The following ADAM12 variants were observed in gnomAD, a reference collection of about 807,000 sequenced individuals.
ADAM12 encodes ADAM metallopeptidase domain 12.
A neutral mutation model predicts 106.4 loss-of-function variants in ADAM12; 70 were observed. That is an observed-to-expected ratio of 0.66 (90% CI 0.54 to 0.80). The LOEUF is 0.80. Ranked by LOEUF, ADAM12 falls within the 30% of genes least tolerant of loss-of-function variation. The pLI is 0.00. For synonymous variants in ADAM12, 420 were observed against 433.5 expected (o/e 0.97, Z 0.39); for missense variants, 1,010 against 1,171.9 (o/e 0.86, Z 2.02).
At chr10:126,245,708 G>C (rs533731704) in intron 3 of ADAM12, among the ~76,000 whole-genome samples, 1 of 152,328 alleles carries the variant, frequency 6.6e-6, no homozygotes, top group South Asian at 2.1e-4. Context: ...AAGTTATCAT[G>C]GGAGTCAGGG....
chr10:126,342,260 G>A (rs1322037769), intron 1 of ADAM12, among the ~76,000 whole-genome samples: 1 of 152,200 alleles, frequency 6.6e-6, no homozygotes, highest in African/African-American at 2.4e-5. Context: ...CTATCTAGAG[G>A]TAGGTGCTGA....
intron 3 of ADAM12, among the ~76,000 whole-genome samples, chr10:126,231,908 T>A (rs1328882554): frequency 6.6e-6 from 1 of 152,138 alleles, no homozygotes; most frequent in East Asian, 1.9e-4. Flanking sequence ...ATTCTTTTGA[T>A]CCCCAACTGT....
intron 4 of ADAM12, among the ~76,000 whole-genome samples, chr10:126,140,805 A>C (rs1249067040): frequency 6.6e-6 from 1 of 152,232 alleles, no homozygotes; most frequent in East Asian, 1.9e-4. Flanking sequence ...ACTCAGCAAG[A>C]CATGGTTGTC....
intron 1 of ADAM12, among the ~76,000 whole-genome samples, chr10:126,384,346 A>G (rs960876956): frequency 6.6e-6 from 1 of 152,186 alleles, no homozygotes; most frequent in Non-Finnish European, 1.5e-5. Context: ...AAAAAGTTGT[A>G]TCTTCCCAAC....
rs1802052 is a variant in ADAM12 at position 126,041,419 on chromosome 10, T to G, written c.2104+1621A>C. 1.0e-3 allele frequency: 1,003 copies of G among 985,730 alleles called. 4 individuals carry two copies. In the African/African-American group the frequency reaches 0.015, roughly 14 times the overall value. The allele number at this position is 985,730 out of a possible 1,614,324, so 61.1% of individuals were successfully genotyped here. ...TAGGCTCTTACATTGTTTTCACTTT[T>G]TAACATTCTTACTTGTTAAATGAAG... On this transcript the variant is annotated intron_variant, in intron 18 of 22. Coordinates refer to ENST00000448723, the MANE Select transcript of ADAM12 (RefSeq NM_001288973.2).
chr10:126,099,081 G>A (rs975021237), intron 9 of ADAM12, among the ~76,000 whole-genome samples: 1 of 152,176 alleles, frequency 6.6e-6, no homozygotes. Context: ...TCTGGAAGGG[G>A]ACTTCATGGC....
chr10:126,367,088 C>T (rs987919946), intron 1 of ADAM12, among the ~76,000 whole-genome samples: 2 of 152,010 alleles, frequency 1.3e-5, no homozygotes, highest in Admixed American at 1.3e-4. Flanking sequence ...ATTTACGGGA[C>T]ATTACCCTAT....
intron 4 of ADAM12, among the ~76,000 whole-genome samples, chr10:126,137,384 G>A (rs1257972752): frequency 2.6e-5 from 4 of 152,116 alleles, no homozygotes; most frequent in African/African-American, 9.7e-5. Flanking sequence ...TTAAAATTAA[G>A]ATTAAATTCA....
chr10:126,180,198 T>C (rs1193621987), intron 3 of ADAM12, among the ~76,000 whole-genome samples: 1 of 152,184 alleles, frequency 6.6e-6, no homozygotes, highest in African/African-American at 2.4e-5. Flanking sequence ...TACATGAAGA[T>C]GAACGCAGAT....
In ADAM12 at chr10:126,013,232, A is replaced by G. The variant is rs1953600162; in HGVS notation, c.*4047T>C. The G allele has an allele frequency of 1.3e-5, 2 of 152,256 alleles. No individual in the cohort carries two copies. 9.4% of individuals were successfully genotyped at this position (152,256 alleles called of 1,614,324 possible). A position where few individuals can be genotyped will look rare whatever the true frequency, so the allele number is the denominator to read the frequency against. Reference sequence around the variant, plus strand: ...TCTCTACAAAAGGAAAGAAAATGGCACATTCACATGTAGGTAAGTAGCTTC... The same window carrying G: ...TCTCTACAAAAGGAAAGAAAATGGCGCATTCACATGTAGGTAAGTAGCTTC... On this transcript the variant is annotated 3_prime_UTR_variant, in exon 23 of 23. Transcript: ENST00000448723. The surrounding 1 kb of genome is among the most constrained non-coding windows in gnomAD (Gnocchi z 4.3).
At chr10:126,341,849 C>T (rs976439168) in intron 1 of ADAM12, among the ~76,000 whole-genome samples, 3 of 152,154 alleles carry the variant, frequency 2.0e-5, no homozygotes, top group Non-Finnish European at 2.9e-5. Flanking sequence ...TTTATAGACT[C>T]GGTTAGTTTT....
intron 17 of ADAM12, 47 bp downstream of exon 17, chr10:126,046,008 T>C: frequency 6.5e-7 from 1 of 1,537,418 alleles, no homozygotes; most frequent in Non-Finnish European, 9.0e-7. Context: ...GTATTATTAC[T>C]TAACTTGTTA....
At chr10:126,102,755 A>G (rs1955691263) in intron 8 of ADAM12, among the ~76,000 whole-genome samples, 1 of 152,266 alleles carries the variant, frequency 6.6e-6, no homozygotes. Flanking sequence ...TTTGTTTTCA[A>G]TCAAGAATTG....
intron 18 of ADAM12, among the ~76,000 whole-genome samples, chr10:126,041,044 C>T (rs542033951): frequency 1.3e-5 from 2 of 152,244 alleles, no homozygotes; most frequent in South Asian, 2.1e-4. Flanking sequence ...TTTCCCTCGC[C>T]CCCTTCAGAC....
chr10:126,026,061 A>G (rs911627821), intron 21 of ADAM12, among the ~76,000 whole-genome samples: 1 of 152,182 alleles, frequency 6.6e-6, no homozygotes, highest in Admixed American at 6.5e-5. Context: ...TATCATCTAG[A>G]TAATGAAGAA....
intron 5 of ADAM12, among the ~76,000 whole-genome samples, chr10:126,134,108 G>GA (rs1427582483): frequency 6.6e-6 from 1 of 152,204 alleles, no homozygotes; most frequent in Admixed American, 6.5e-5. Context: ...CTGAACGAAT[G>GA]AATAACTGAA....
At chr10:126,168,891 A>T (rs1265277057) in intron 3 of ADAM12, among the ~76,000 whole-genome samples, 1 of 151,974 alleles carries the variant, frequency 6.6e-6, no homozygotes, top group East Asian at 1.9e-4. Flanking sequence ...CATCTCTACT[A>T]ACAATACAAA....
At chr10:126,030,625 A>G (rs898076536) in intron 21 of ADAM12, among the ~76,000 whole-genome samples, 5 of 152,226 alleles carry the variant, frequency 3.3e-5, no homozygotes, top group African/African-American at 1.2e-4. Context: ...TAATCACGTG[A>G]ACAACTTCCC....
intron 2 of ADAM12, among the ~76,000 whole-genome samples, chr10:126,291,157 AT>A (rs980139555): frequency 4.6e-5 from 7 of 151,174 alleles, no homozygotes; most frequent in Admixed American, 1.3e-4. Context: ...TTCATGTACC[AT>A]TTTTTTTTCC....
Sources: gnomAD v4.1 joint callset for allele counts (sites outside exome capture counted in the v4.1 genomes callset) on GRCh38, gnomAD v4.1.1 for gene constraint, Gnocchi (gnomAD v3.1) non-coding constraint, MANE v1.5 for transcripts, NCBI Gene and HGNC (gene_info 2026-07-23, HGNC 2026-07-21) for gene names.